GLT8D2: variants seen among roughly 807,000 people sequenced by gnomAD.
GLT8D2 encodes the protein glycosyltransferase 8 domain containing 2.
A neutral mutation model predicts 44.5 loss-of-function variants in GLT8D2; 45 were observed. The ratio of observed to expected loss-of-function variants is 1.01; its 90% confidence interval spans 0.80 to 1.30. The LOEUF (loss-of-function observed/expected upper bound fraction) is 1.30, where lower values mean the gene tolerates loss of function less well. Among genes scored for constraint, GLT8D2 ranks in the 50% most tolerant of loss-of-function variants. The pLI is 0.00. For synonymous variants in GLT8D2, 156 were observed against 157.2 expected, an observed-to-expected ratio of 0.99 and a Z score of 0.06; for missense variants, 400 against 430.4, an observed-to-expected ratio of 0.93 and a Z score of 0.62.
At chr12:104,062,028 A>C (rs1204069769) in intron 1 of GLT8D2, among the ~76,000 whole-genome samples, 6 of 151,624 alleles carry the variant, frequency 4.0e-5, no homozygotes, top group Non-Finnish European at 8.8e-5. Flanking sequence ...AGAATTTAAG[A>C]AGCAGAAGCT....
intron 1 of GLT8D2, among the ~76,000 whole-genome samples, chr12:104,060,658 C>T (rs1426120909): frequency 6.6e-6 from 1 of 152,130 alleles, no homozygotes; most frequent in Admixed American, 6.5e-5. Context: ...CGCAGTGGCT[C>T]ACATCTGTAA....
chr12:104,015,889 G>A (rs541943850), intron 3 of GLT8D2, among the ~76,000 whole-genome samples: 1 of 152,130 alleles, frequency 6.6e-6, no homozygotes, highest in Admixed American at 6.5e-5. Context: ...TGTAATCCCA[G>A]CTATTTGGGA....
intron 4 of GLT8D2, among the ~76,000 whole-genome samples, chr12:104,012,181 A>T: frequency 1.3e-5 from 1 of 79,018 alleles, no homozygotes; most frequent in South Asian, 3.8e-4. Context: ...AAAAAAAAAA[A>T]AAAAAAAAAT....
intron 1 of GLT8D2, among the ~76,000 whole-genome samples, chr12:104,060,396 T>C (rs1464105608): frequency 6.6e-6 from 1 of 152,214 alleles, no homozygotes; most frequent in East Asian, 1.9e-4. Flanking sequence ...CTATTTTAGA[T>C]GCCTCCCTCA....
intron 1 of GLT8D2, among the ~76,000 whole-genome samples, chr12:104,062,069 TTTTG>T (rs1016705678): frequency 5.3e-5 from 8 of 151,846 alleles, no homozygotes; most frequent in East Asian, 3.9e-4. Context: ...CTTTTGGGGT[TTTTG>T]TTTGTTTGTT....
Position 103,997,254 on chromosome 12 carries a change from G to C in GLT8D2, c.487+197C>G, listed in dbSNP as rs1445254938. ...TATTTATTGCTGGTTTTGACAATCA[G>C]AGTGTCAACTGGATTGTCTCAGTAA... On this transcript the variant is annotated intron_variant, in intron 7 of 10. Transcript: ENST00000360814. Among the ~76,000 whole-genome samples the C allele has an allele frequency of 2.0e-5, 3 of 152,322 alleles. No homozygotes were observed. In the East Asian group the frequency reaches 5.8e-4, roughly 29 times the overall value.
At chr12:104,045,957 A>AAAAGAAAGAAAG (rs1566213383) in intron 1 of GLT8D2, among the ~76,000 whole-genome samples, 2 of 119,264 alleles carry the variant, frequency 1.7e-5, no homozygotes, top group Non-Finnish European at 3.6e-5. Context: ...AAGAAAGAAA[A>AAAAGAAAGAAAG]TAAGAAAGAA....
intron 1 of GLT8D2, among the ~76,000 whole-genome samples, chr12:104,023,453 T>C (rs959350871): frequency 3.9e-5 from 6 of 152,258 alleles, no homozygotes; most frequent in African/African-American, 9.6e-5. Flanking sequence ...TGTTTTCATT[T>C]TAAATAGGCT....
rs574447287 is a variant in GLT8D2 at position 104,032,734 on chromosome 12, A to AT, written c.-163-11244dup. On this transcript the variant is annotated intron_variant, in intron 1 of 10. Coordinates refer to ENST00000360814, the MANE Select transcript of GLT8D2 (RefSeq NM_001384711.1). ...AGTGGGAATGTAATTTGGAACAGCCATTATGGAAAACAATATGGAGGTCTC... is the reference window on the plus strand; with the variant it reads ...AGTGGGAATGTAATTTGGAACAGCCATTTATGGAAAACAATATGGAGGTCTC... 5.3e-4 allele frequency among the ~76,000 whole-genome samples: 80 copies of AT among 152,298 alleles called. No homozygotes were observed. In the East Asian group the frequency reaches 0.014, roughly 28 times the overall value.
chr12:104,051,910 C>T (rs920443428), upstream of GLT8D2, among the ~76,000 whole-genome samples: 1 of 152,076 alleles, frequency 6.6e-6, no homozygotes, highest in Admixed American at 6.5e-5. Flanking sequence ...ATCCCAGTTA[C>T]ACTGATTTGA....
chr12:104,060,044 T>C (rs187954669), intron 1 of GLT8D2, among the ~76,000 whole-genome samples: 1 of 152,204 alleles, frequency 6.6e-6, no homozygotes, highest in Non-Finnish European at 1.5e-5. Flanking sequence ...TCTAGGCCAC[T>C]ACTAACCTCC....
intron 1 of GLT8D2, among the ~76,000 whole-genome samples, chr12:104,021,953 AGAGGAAGAAGAG>A (rs1877842239): frequency 7.3e-5 from 1 of 13,756 alleles, no homozygotes; most frequent in African/African-American, 2.6e-4. Context: ...AAGAAGAAGA[AGAGGAAGAAGAG>A]GAAGAGGAAG....
At chr12:104,006,075 C>A (rs1214491286) in intron 4 of GLT8D2, among the ~76,000 whole-genome samples, 2 of 152,116 alleles carry the variant, frequency 1.3e-5, no homozygotes, top group Non-Finnish European at 2.9e-5. Flanking sequence ...GAGTTCATGT[C>A]CTTTGTAGGG....
intron 1 of GLT8D2, among the ~76,000 whole-genome samples, chr12:104,040,775 G>A (rs1242246743): frequency 6.6e-6 from 1 of 152,152 alleles, no homozygotes; most frequent in African/African-American, 2.4e-5. Context: ...TGAGACTCGA[G>A]TATATAGGTA....
intron 3 of GLT8D2, among the ~76,000 whole-genome samples, chr12:104,016,725 A>AAG (rs1876711214): frequency 1.6e-5 from 1 of 64,228 alleles, no homozygotes; most frequent in Non-Finnish European, 3.2e-5. Context: ...GAAAGAAAGA[A>AAG]AGAAAGAAAG....
intron 4 of GLT8D2, among the ~76,000 whole-genome samples, chr12:104,003,856 C>A (rs1439757072): frequency 6.6e-6 from 1 of 152,036 alleles, no homozygotes; most frequent in Admixed American, 6.6e-5. Flanking sequence ...TTAAAGAAAC[C>A]AATGACTAAT....
chr12:104,032,765 A>G (rs1250961617), intron 1 of GLT8D2, among the ~76,000 whole-genome samples: 1 of 152,138 alleles, frequency 6.6e-6, no homozygotes, highest in Non-Finnish European at 1.5e-5. Context: ...GTCTCTCAAA[A>G]AATTCAAAAT....
At chr12:104,022,413 A>G (rs191899584) in intron 1 of GLT8D2, among the ~76,000 whole-genome samples, 24 of 152,336 alleles carry the variant, frequency 1.6e-4, no homozygotes, top group African/African-American at 4.6e-4. Context: ...ATACACGATT[A>G]AAGTAATTAA....
chr12:103,996,954 T>C, intron 7 of GLT8D2, 107 bp from the exon 8 acceptor site: 1 of 678,266 alleles, frequency 1.5e-6, no homozygotes, highest in Non-Finnish European at 2.5e-6. Context: ...AGAAGAGTAT[T>C]GGATCCCTGA....
Sources: allele counts gnomAD v4.1 joint callset (sites outside exome capture counted in the v4.1 genomes callset), GRCh38; gene constraint gnomAD v4.1.1; transcripts MANE v1.5; gene names NCBI Gene and HGNC (gene_info 2026-07-23, HGNC 2026-07-21).